The following MGAT4C variants were observed in gnomAD, a reference collection of about 807,000 sequenced individuals.
MGAT4C encodes MGAT4 family member C, also known as alpha-1,3-mannosyl-glycoprotein 4-beta-N-acetylglucosaminyltransferase C.
A neutral mutation model predicts 40.1 loss-of-function variants in MGAT4C; 19 were observed. The observed-to-expected ratio is 0.47, with a 90% CI of 0.33 to 0.70. The LOEUF (loss-of-function observed/expected upper bound fraction) is 0.70, where lower values mean the gene tolerates loss of function less well. Ranked by LOEUF, MGAT4C falls within the 30% of genes least tolerant of loss-of-function variation. The probability of loss-of-function intolerance (pLI) is 0.02; values close to 1 mark genes in which losing one functional copy is unlikely to be tolerated. For synonymous variants in MGAT4C, 181 were observed against 187.1 expected (o/e 0.97, Z 0.27); for missense variants, 491 against 563.2 (o/e 0.87, Z 1.30).
At chr12:86,376,818 CAGAGAG>C (rs34852259) in intron 3 of MGAT4C, among the ~76,000 whole-genome samples, 1,825 of 125,310 alleles carry the variant, frequency 0.015, 29 homozygotes, top group African/African-American at 0.031. Flanking sequence ...GAGAGAGAGA[CAGAGAG>C]AGAGAGAGAG....
rs138695202 is a variant in MGAT4C, at chr12:86,775,078, G to C, written c.-261-47837C>G. Among the ~76,000 whole-genome samples, 409 of 152,200 alleles carry C rather than the reference G, an allele frequency of 2.7e-3. 2 individuals are homozygous for C. The highest frequency in any genetic ancestry group is 6.8e-3 in the Middle Eastern group (2 of 292). ...AAAAAGCAACAGGCCTTTAGTAAAT[G>C]GATTTTTCTATTTAGTAAAAAGAGC... On this transcript the variant is annotated intron_variant, in intron 1 of 7. Transcript: ENST00000548651.
chr12:86,328,230 T>C (rs1242841714), intron 4 of MGAT4C, among the ~76,000 whole-genome samples: 22 of 152,176 alleles, frequency 1.4e-4, no homozygotes. Context: ...CTGACATATT[T>C]ATGAGAGAAA....
At chr12:86,823,291 A>C (rs1203760504) in intron 1 of MGAT4C, among the ~76,000 whole-genome samples, 1 of 151,340 alleles carries the variant, frequency 6.6e-6, no homozygotes, top group African/African-American at 2.4e-5. Flanking sequence ...AGAAATAAGT[A>C]AAATAGAAAC....
rs542656621 is a variant in MGAT4C, at chr12:86,393,614, A to T, written c.-120+41543T>A. Among the ~76,000 whole-genome samples the T allele has an allele frequency of 3.3e-5, 5 of 152,316 alleles. No individual in the cohort carries two copies. The South Asian group carries it at 1.0e-3, about 32-fold the overall frequency. On this transcript the variant is annotated intron_variant, in intron 3 of 7. Transcript: ENST00000548651. ...AGAGATGTGGCAGACTCTGCTATTC[A>T]CCTACCCAAGGCAAATCCCATCTGT...
At chr12:86,775,062 C>T (rs1421434262) in intron 1 of MGAT4C, among the ~76,000 whole-genome samples, 2 of 152,144 alleles carry the variant, frequency 1.3e-5, no homozygotes, top group Non-Finnish European at 2.9e-5. Flanking sequence ...TAAAAAGCAA[C>T]AGGCCTTTAG....
intron 2 of MGAT4C, among the ~76,000 whole-genome samples, chr12:86,670,940 C>T (rs1964241233): frequency 6.6e-6 from 1 of 152,156 alleles, no homozygotes; most frequent in African/African-American, 2.4e-5. Context: ...CAAAAGACTT[C>T]ATTCTATTTA....
chr12:86,630,754 A>C (rs974254132), intron 2 of MGAT4C, among the ~76,000 whole-genome samples: 1 of 152,328 alleles, frequency 6.6e-6, no homozygotes, highest in African/African-American at 2.4e-5. Flanking sequence ...ATTGTATCTC[A>C]AAATAATAAG....
intron 3 of MGAT4C, among the ~76,000 whole-genome samples, chr12:86,425,507 CTG>C (rs1431750075): frequency 2.0e-5 from 3 of 152,214 alleles, no homozygotes; most frequent in Admixed American, 2.0e-4. Context: ...CCATGCAGAA[CTG>C]TGAGTCAATT....
chr12:86,006,866 T>A (rs1565848513), intron 2 of MGAT4C, among the ~76,000 whole-genome samples: 1 of 152,166 alleles, frequency 6.6e-6, no homozygotes, highest in Non-Finnish European at 1.5e-5. Flanking sequence ...CTTCTACTTT[T>A]CCTTTTGTAT....
At chr12:86,321,780 G>A (rs1008402004) in intron 4 of MGAT4C, among the ~76,000 whole-genome samples, 1 of 152,148 alleles carries the variant, frequency 6.6e-6, no homozygotes, top group Non-Finnish European at 1.5e-5. Flanking sequence ...TGGTGGGACT[G>A]TAAACTAGTT....
chr12:86,711,896 A>G (rs749423535), intron 2 of MGAT4C, among the ~76,000 whole-genome samples: 11 of 152,142 alleles, frequency 7.2e-5, no homozygotes, highest in Non-Finnish European at 1.2e-4. Context: ...AACCATGATG[A>G]CCTTTTAACT....
At chr12:86,441,081 C>T (rs948252874) in intron 2 of MGAT4C, among the ~76,000 whole-genome samples, 9 of 151,954 alleles carry the variant, frequency 5.9e-5, no homozygotes, top group Non-Finnish European at 1.3e-4. Context: ...TACCAAAATA[C>T]CAGCATCATT....
rs986545986 is a variant in MGAT4C, at chr12:85,968,625, T to C, written c.*10664A>G. 4 of 151,902 alleles carry C rather than the reference T, an allele frequency of 2.6e-5. No homozygotes were observed. Among genetic ancestry groups the C allele is most frequent in the African/African-American group, 4.8e-5 (2 of 41,404 alleles). The allele number at this position is 151,902 out of a possible 1,614,324, so 9.4% of individuals were successfully genotyped here. On this transcript the variant is annotated 3_prime_UTR_variant, in exon 5 of 5. Transcript: ENST00000611864. The stretch of plus-strand genomic sequence containing the variant: ...TCTATAATCTTTCAAACTGGATAAA[T>C]GGGAAGTTTTGGAATTTTACTGTGG...
At chr12:86,331,413 T>C (rs146436898) in intron 4 of MGAT4C, among the ~76,000 whole-genome samples, 4 of 152,280 alleles carry the variant, frequency 2.6e-5, no homozygotes, top group African/African-American at 9.6e-5. Context: ...TTTTGCCCCT[T>C]AGTGACTTGA....
intron 1 of MGAT4C, among the ~76,000 whole-genome samples, chr12:86,177,999 C>G (rs761386727): frequency 6.6e-6 from 1 of 152,046 alleles, no homozygotes; most frequent in Non-Finnish European, 1.5e-5. Context: ...TGCAGTGGCG[C>G]GATATTGGCT....
At chr12:86,203,975 A>ATATATATATATATATATATATATAT (rs1950152165) in intron 1 of MGAT4C, among the ~76,000 whole-genome samples, 2 of 137,064 alleles carry the variant, frequency 1.5e-5, no homozygotes, top group Non-Finnish European at 1.6e-5. Context: ...AAAAAAAAGA[A>ATATATATATATATATATATATATAT]ATATATATAT....
At chr12:86,407,919 T>A (rs1439230451) in intron 3 of MGAT4C, among the ~76,000 whole-genome samples, 2 of 152,052 alleles carry the variant, frequency 1.3e-5, no homozygotes, top group Non-Finnish European at 2.9e-5. Context: ...TATCCAATAG[T>A]CACAAGAAAG....
intron 4 of MGAT4C, among the ~76,000 whole-genome samples, chr12:86,282,168 A>C (rs760973764): frequency 6.6e-6 from 1 of 152,162 alleles, no homozygotes; most frequent in Non-Finnish European, 1.5e-5. Flanking sequence ...AATCAGCCTC[A>C]TACAATTTCT....
intron 1 of MGAT4C, among the ~76,000 whole-genome samples, chr12:86,817,569 T>C (rs1271265558): frequency 6.6e-6 from 1 of 151,548 alleles, no homozygotes. Context: ...CTAGCATTTA[T>C]TGAGAAATAG....
Sources: allele counts gnomAD v4.1 joint callset (sites outside exome capture counted in the v4.1 genomes callset), GRCh38; gene constraint gnomAD v4.1.1; transcripts MANE v1.5; gene names NCBI Gene and HGNC (gene_info 2026-07-23, HGNC 2026-07-21).